The following ZNF860 variants were observed in gnomAD, a reference collection of about 807,000 sequenced individuals.
The protein encoded by ZNF860 is zinc finger protein 860.
For missense variants in ZNF860, 641 were observed against 759.2 expected (o/e 0.84, Z 1.83); for synonymous variants, 206 against 248.9 (o/e 0.83, Z 1.62).
chr3:31,986,933 G>T (rs1698941175), intron 1 of ZNF860, among the ~76,000 whole-genome samples: 1 of 152,124 alleles, frequency 6.6e-6, no homozygotes, highest in Non-Finnish European at 1.5e-5. Context: ...CTTGCGCCCA[G>T]AAATTTGAGG....
At chr3:31,988,436 G>A (rs550613151) in intron 1 of ZNF860, among the ~76,000 whole-genome samples, 1 of 152,264 alleles carries the variant, frequency 6.6e-6, no homozygotes, top group South Asian at 2.1e-4. Flanking sequence ...GTAGACTGTA[G>A]TGATTTCAAA....
At position 31,990,422 on chromosome 3, in the gene ZNF860, A is replaced by G; in HGVS notation, c.1343A>G (p.His448Arg). The G allele has an allele frequency of 5.6e-6, 9 of 1,599,556 alleles. No individual in the cohort carries two copies. The highest frequency in any genetic ancestry group is 7.6e-6 in the Non-Finnish European group (9 of 1,177,992). The change falls in exon 2 of 2, where the codon CAT becomes CGT. Residue 448 changes from histidine to arginine, a missense_variant. By Grantham distance (29) the His-to-Arg change is conservative. Transcript: ENST00000360311. ...TATCTCGTAGTTCATTGGCGAACTCATACTGGAGAGAAACCTTACAAGTGT... is the reference window on the plus strand; with the variant it reads ...TATCTCGTAGTTCATTGGCGAACTCGTACTGGAGAGAAACCTTACAAGTGT... ...RSYLVVHWRT[H>R]TGEKPYKCNE...
the ZNF860 span, among the ~76,000 whole-genome samples, chr3:31,998,724 CT>C: frequency 1.3e-5 from 2 of 152,328 alleles, no homozygotes; most frequent in African/African-American, 4.8e-5. Context: ...CGCCCTTTCC[CT>C]TTCTAGCTGT....
At chr3:31,983,828 A>G (rs1698896576) in intron 1 of ZNF860, among the ~76,000 whole-genome samples, 1 of 152,256 alleles carries the variant, frequency 6.6e-6, no homozygotes. Flanking sequence ...TTTGGAAAAT[A>G]CATAATAAGT....
At position 31,985,565 on chromosome 3, in the gene ZNF860, C is replaced by A. The variant is rs573682372; in HGVS notation, c.-420-3095C>A. ...GTTTCTAGTAGTTGTTTCTGAGGCT[C>A]CCTCCTCTAGTTAGAAAGCCTTAGG... On this transcript the variant is annotated intron_variant, in intron 1 of 1. Coordinates refer to ENST00000360311, the MANE Select transcript of ZNF860 (RefSeq NM_001137674.3). Among the ~76,000 whole-genome samples the A allele has an allele frequency of 3.9e-5, 6 of 152,294 alleles. No individual in the cohort carries two copies. In the South Asian group the frequency reaches 1.2e-3, roughly 32 times the overall value.
the ZNF860 span, among the ~76,000 whole-genome samples, chr3:31,997,844 T>C: frequency 2.6e-5 from 4 of 152,028 alleles, no homozygotes; most frequent in African/African-American, 9.7e-5. Context: ...TGGGAGTGCA[T>C]TGGCACAATC....
At position 31,989,676 on chromosome 3, in the gene ZNF860, C is replaced by T; in HGVS notation, c.597C>T (p.Pro199=). ...CGTCCCAAAGAATTTCTTCTAGGCCCAAAATCCATATTTCTAATAACTATG... is the reference window on the plus strand; with the variant it reads ...CGTCCCAAAGAATTTCTTCTAGGCCTAAAATCCATATTTCTAATAACTATG... ...VLTSQRISSR[P]KIHISNNYEN... is the part of the protein sequence containing the mutation. The change falls in exon 2 of 2, where the codon CCC becomes CCT. Residue 199 remains proline, a synonymous_variant. Transcript: ENST00000360311. 6.2e-7 allele frequency: 1 copy of T among 1,614,030 alleles called. No homozygotes were observed. The highest frequency in any genetic ancestry group is 8.5e-7 in the Non-Finnish European group (1 of 1,179,990).
At position 31,988,404 on chromosome 3, in the gene ZNF860, T is replaced by TA. The variant is rs1339622008; in HGVS notation, c.-420-249dup. On this transcript the variant is annotated intron_variant, in intron 1 of 1. Transcript: ENST00000360311. ...GTGTGTTGTACATGTGGGAGGAATA[T>TA]AAAAAAATTTGTGGCCAGAGGGTAG... Among the ~76,000 whole-genome samples, 16 of 152,142 alleles carry TA rather than the reference T, an allele frequency of 1.1e-4. No homozygotes were observed. The East Asian group carries it at 2.9e-3, about 28-fold the overall frequency.
downstream of ZNF860, among the ~76,000 whole-genome samples, chr3:31,992,574 G>A (rs1172294206): frequency 6.6e-6 from 1 of 152,160 alleles, no homozygotes; most frequent in African/African-American, 2.4e-5. Flanking sequence ...CTCTGGTTCT[G>A]TCATTGCATC....
chr3:31,993,671 T>TACACAC (rs1286675523), downstream of ZNF860, among the ~76,000 whole-genome samples: 21 of 126,780 alleles, frequency 1.7e-4, no homozygotes, highest in African/African-American at 7.2e-4. Context: ...TTAACATGAC[T>TACACAC]ACACACACAT....
intron 1 of ZNF860, among the ~76,000 whole-genome samples, chr3:31,984,749 A>C (rs1016495758): frequency 6.6e-6 from 1 of 152,190 alleles, no homozygotes; most frequent in Non-Finnish European, 1.5e-5. Flanking sequence ...TCAAACAAGG[A>C]GGGAATAGTT....
downstream of ZNF860, among the ~76,000 whole-genome samples, chr3:31,992,181 AG>A (rs1286507448): frequency 2.0e-5 from 3 of 151,804 alleles, no homozygotes; most frequent in African/African-American, 4.8e-5. Flanking sequence ...AGTGTGGTGT[AG>A]GCAAAAAGTA....
At chr3:31,992,133 G>A (rs1057480735), downstream of ZNF860, among the ~76,000 whole-genome samples, 10 of 142,470 alleles carry the variant, frequency 7.0e-5, no homozygotes, top group East Asian at 2.1e-4. Flanking sequence ...GCAACAGAGC[G>A]AGACTCCATC....
At chr3:31,994,425 T>A (rs931205944), downstream of ZNF860, among the ~76,000 whole-genome samples, 1 of 152,074 alleles carries the variant, frequency 6.6e-6, no homozygotes, top group African/African-American at 2.4e-5. Context: ...AAGAAAAAGG[T>A]ATATGAGGTC....
the ZNF860 span, among the ~76,000 whole-genome samples, chr3:32,005,447 T>C: frequency 7.5e-6 from 1 of 132,940 alleles, no homozygotes; most frequent in African/African-American, 2.7e-5. Context: ...TTATGGACTG[T>C]GAGCAAGTTT....
At chr3:32,006,405 A>C in the ZNF860 span, among the ~76,000 whole-genome samples, 1 of 152,164 alleles carries the variant, frequency 6.6e-6, no homozygotes, top group African/African-American at 2.4e-5. Context: ...GCCAGTTGTC[A>C]TCTTTGTCTA....
chr3:31,993,671 T>TACACACAC (rs1286675523), downstream of ZNF860, among the ~76,000 whole-genome samples: 1 of 126,720 alleles, frequency 7.9e-6, no homozygotes, highest in African/African-American at 4.2e-5. Flanking sequence ...TTAACATGAC[T>TACACACAC]ACACACACAT....
rs1559543963 is a variant in ZNF860 at position 31,989,404 on chromosome 3, A to G, written c.325A>G (p.Ile109Val). The G allele has an allele frequency of 6.2e-7, 1 of 1,614,234 alleles. No homozygotes were observed. The highest frequency in any genetic ancestry group is 8.5e-7 in the Non-Finnish European group (1 of 1,180,040). ...DFCFQKIGKD[I>V]HDFEFQWQED... ...TTGCTTCCAGAAAATTGGGAAAGAT[A>G]TTCATGACTTTGAGTTTCAATGGCA... Residue 109 changes from isoleucine (I) to valine (V), a missense_variant, in exon 2 of 2, where the codon ATT becomes GTT. Ile to Val is a conservative substitution (Grantham distance 29). Transcript: ENST00000360311.
At chr3:31,996,657 CG>C (rs1699092921), downstream of ZNF860, among the ~76,000 whole-genome samples, 1 of 152,042 alleles carries the variant, frequency 6.6e-6, no homozygotes, top group African/African-American at 2.4e-5. Context: ...AAGCTGTTGC[CG>C]GGTGCTGACG....
Sources: allele counts gnomAD v4.1 joint callset (sites outside exome capture counted in the v4.1 genomes callset), GRCh38; gene constraint gnomAD v4.1.1; transcripts MANE v1.5; gene names NCBI Gene and HGNC (gene_info 2026-07-23, HGNC 2026-07-21).